Variants in TBC1D14 observed in about 807,000 individuals in gnomAD.
TBC1D14 encodes the protein TBC1 domain family, member 14.
In TBC1D14, 26 loss-of-function variants were observed where a neutral mutation model predicts 79.0. The ratio of observed to expected loss-of-function variants is 0.33; its 90% CI spans 0.24 to 0.46. The LOEUF is 0.46. Among genes scored for constraint, TBC1D14 ranks in the 20% least tolerant of loss-of-function variants. The probability of loss-of-function intolerance (pLI) is 1.00; values close to 1 mark genes in which losing one functional copy is unlikely to be tolerated. For missense variants in TBC1D14, 769 were observed against 887.6 expected (o/e 0.87, Z 1.70); for synonymous variants, 394 against 349.9 (o/e 1.13, Z -1.40).
intron 3 of TBC1D14, among the ~76,000 whole-genome samples, chr4:6,981,792 A>G (rs1717397686): frequency 1.3e-5 from 2 of 152,248 alleles, no homozygotes; most frequent in African/African-American, 4.8e-5. Flanking sequence ...CAGTTGGTGC[A>G]GCAAAAGCAT....
At chr4:7,029,450 G>C (rs1026456928) in intron 13 of TBC1D14, among the ~76,000 whole-genome samples, 2 of 152,364 alleles carry the variant, frequency 1.3e-5, no homozygotes, top group East Asian at 3.9e-4. Context: ...AGCGGGTGCT[G>C]GGCGCGAAGC....
chr4:6,987,093 C>A, intron 3 of TBC1D14: 3 of 726,098 alleles, frequency 4.1e-6, no homozygotes, highest in Non-Finnish European at 5.0e-6. Flanking sequence ...GCCCCTTGTG[C>A]CCGCCCCTCG....
chr4:6,967,306 AC>A lies in TBC1D14; in HGVS notation c.726del (p.Leu243CysfsTer58). ...LGPFSNFFAR[N>X]LLARKQSARL... ...ACCTTGTTATTTTCTTCCTATAGGA[AC>A]TTGCTTGCTAGAAAACAAAGTGCAA... On this transcript the variant is annotated frameshift_variant, in exon 3 of 14. Transcript: ENST00000409757. LOFTEE classifies it high-confidence loss of function. The A allele has an allele frequency of 6.2e-7, 1 of 1,613,690 alleles. No individual in the cohort carries two copies. Among genetic ancestry groups the A allele is most frequent in the Non-Finnish European group, 8.5e-7 (1 of 1,179,916 alleles).
intron 6 of TBC1D14, among the ~76,000 whole-genome samples, chr4:7,000,264 T>G (rs1198330836): frequency 6.6e-6 from 1 of 152,144 alleles, no homozygotes; most frequent in East Asian, 1.9e-4. Flanking sequence ...GGATGTGGTC[T>G]GAATGCATTG....
At chr4:6,979,495 C>T (rs565430901) in intron 3 of TBC1D14, among the ~76,000 whole-genome samples, 2 of 152,212 alleles carry the variant, frequency 1.3e-5, no homozygotes, top group African/African-American at 4.8e-5. Context: ...GTGATACACA[C>T]CTGTAGTCCT....
intron 3 of TBC1D14, among the ~76,000 whole-genome samples, chr4:6,992,945 T>A (rs1342800561): frequency 6.6e-6 from 1 of 152,254 alleles, no homozygotes; most frequent in Non-Finnish European, 1.5e-5. Flanking sequence ...GTACAGAAAC[T>A]GCCCCACCCA....
intron 2 of TBC1D14, chr4:6,954,254 C>T: frequency 1.4e-6 from 1 of 717,294 alleles, no homozygotes; most frequent in Non-Finnish European, 2.6e-6. Flanking sequence ...CGGGGAGAGT[C>T]CGTGCTTCTG....
At position 6,959,992 on chromosome 4, in the gene TBC1D14, T is replaced by C. The variant is rs543937417; in HGVS notation, c.723-7312T>C. Among the ~76,000 whole-genome samples, 17 of 152,296 alleles carry C rather than the reference T, an allele frequency of 1.1e-4. No homozygotes were observed. The South Asian group carries it at 3.3e-3, about 30-fold the overall frequency. On this transcript the variant is annotated intron_variant, in intron 2 of 13. Transcript: ENST00000409757. ...TGGCTTTTAAATTTTTTATGAACTT[T>C]TTTCCATCAGCAACACGTTTGCATG...
At chr4:7,019,602 A>C (rs945765622) in intron 12 of TBC1D14, among the ~76,000 whole-genome samples, 5 of 152,212 alleles carry the variant, frequency 3.3e-5, no homozygotes, top group African/African-American at 7.2e-5. Flanking sequence ...GGCCTGGCTG[A>C]AGTGGGAGCC....
At chr4:6,959,460 C>T (rs1014656620) in intron 2 of TBC1D14, among the ~76,000 whole-genome samples, 9 of 152,156 alleles carry the variant, frequency 5.9e-5, no homozygotes, top group African/African-American at 1.4e-4. Context: ...GGCCTTCCCC[C>T]GGGCTGGTGT....
chr4:7,022,895 T>C (rs763102111), intron 12 of TBC1D14, among the ~76,000 whole-genome samples: 3 of 152,134 alleles, frequency 2.0e-5, no homozygotes, highest in Non-Finnish European at 2.9e-5. Context: ...AAATCTCTTT[T>C]GTTCTCTTTG....
chr4:6,912,507 G>A (rs1723085118), intron 1 of TBC1D14, among the ~76,000 whole-genome samples: 1 of 152,214 alleles, frequency 6.6e-6, no homozygotes, highest in South Asian at 2.1e-4. Flanking sequence ...TAGTCACTTG[G>A]TTTTATAGAT....
At chr4:6,970,675 C>A (rs1716143546) in intron 3 of TBC1D14, among the ~76,000 whole-genome samples, 1 of 151,940 alleles carries the variant, frequency 6.6e-6, no homozygotes, top group Non-Finnish European at 1.5e-5. Flanking sequence ...GTCAGGTGTT[C>A]ACACTGGCCA....
chr4:6,950,542 GA>G (rs1713939062), intron 2 of TBC1D14, among the ~76,000 whole-genome samples: 1 of 152,020 alleles, frequency 6.6e-6, no homozygotes, highest in African/African-American at 2.4e-5. Context: ...TTTGCCATAG[GA>G]TACCTTTTAT....
At chr4:6,933,095 T>A (rs1711915987) in intron 2 of TBC1D14, among the ~76,000 whole-genome samples, 1 of 152,056 alleles carries the variant, frequency 6.6e-6, no homozygotes, top group African/African-American at 2.4e-5. Context: ...CCAAATTCTT[T>A]GCTGTGTGGC....
At chr4:6,969,480 G>A (rs1447628428) in intron 3 of TBC1D14, among the ~76,000 whole-genome samples, 2 of 151,702 alleles carry the variant, frequency 1.3e-5, no homozygotes, top group African/African-American at 2.4e-5. Flanking sequence ...ATCTTGGCTC[G>A]CTGCACGCTC....
chr4:7,021,340 A>G (rs565209444), intron 12 of TBC1D14, among the ~76,000 whole-genome samples: 120 of 152,352 alleles, frequency 7.9e-4, no homozygotes, highest in African/African-American at 2.6e-3. Context: ...TCTCATGTCT[A>G]TAGTCCCAGC....
At position 6,918,131 on chromosome 4, in the gene TBC1D14, T is replaced by A. The variant is rs551267603; in HGVS notation, c.-17-5242T>A. On this transcript the variant is annotated intron_variant, in intron 1 of 13. Transcript: ENST00000409757. ...GCAGAGGAGAGGAGTAGAAAAAGGT[T>A]TTCTTTCTCTACTTAAAGCCAGATG... Among the ~76,000 whole-genome samples the A allele has an allele frequency of 1.8e-3, 268 of 152,312 alleles. 2 individuals carry two copies. The highest frequency in any genetic ancestry group is 6.2e-3 in the African/African-American group (256 of 41,568).
At chr4:6,997,733 T>C (rs931299652) in intron 5 of TBC1D14, among the ~76,000 whole-genome samples, 3 of 152,192 alleles carry the variant, frequency 2.0e-5, no homozygotes, top group African/African-American at 4.8e-5. Context: ...CATGAAGGAA[T>C]CTTGAAGATA....
Sources: allele counts gnomAD v4.1 joint callset (sites outside exome capture counted in the v4.1 genomes callset), GRCh38; gene constraint gnomAD v4.1.1; transcripts MANE v1.5; gene names NCBI Gene and HGNC (gene_info 2026-07-23, HGNC 2026-07-21).